Variants in MARCHF1 observed in about 807,000 individuals in gnomAD.
MARCHF1 encodes the protein membrane associated ring-CH-type finger 1.
In MARCHF1, 40 loss-of-function variants were observed where a neutral mutation model predicts 54.2. That is an observed-to-expected ratio of 0.74 (90% CI 0.57 to 0.96). The LOEUF is 0.96. Among genes scored for constraint, MARCHF1 ranks in the 40% least tolerant of loss-of-function variants. The probability of loss-of-function intolerance (pLI) is 0.00; values close to 1 mark genes in which losing one functional copy is unlikely to be tolerated. For missense variants in MARCHF1, 586 were observed against 656.5 expected (o/e 0.89, Z 1.17); for synonymous variants, 236 against 236.3 (o/e 1.00, Z 0.01).
In MARCHF1 at chr4:163,527,440, A is replaced by C. The variant is rs1738153220; in HGVS notation, c.*1308T>G. ...GCCTTACACATTTGATTTAATAACA[A>C]AAATAGGTAATTTTATTCCCCTATT... On this transcript the variant is annotated 3_prime_UTR_variant, in exon 10 of 10. Transcript: ENST00000514618. The C allele has an allele frequency of 6.6e-6, 1 of 152,082 alleles. No homozygotes were observed. The highest frequency in any genetic ancestry group is 2.1e-4 in the South Asian group (1 of 4,826). The allele number at this position is 152,082 out of a possible 1,614,324, so 9.4% of individuals were successfully genotyped here. A position where few individuals can be genotyped will look rare whatever the true frequency, so the allele number is the denominator to read the frequency against.
intron 1 of MARCHF1, among the ~76,000 whole-genome samples, chr4:164,370,432 G>C (rs80034499): frequency 3.3e-5 from 5 of 152,244 alleles, no homozygotes; most frequent in African/African-American, 1.2e-4. Context: ...AGGCAGAGAG[G>C]GACCAGAGGA....
intron 5 of MARCHF1, among the ~76,000 whole-genome samples, chr4:163,672,092 C>T (rs1743756570): frequency 6.6e-6 from 1 of 152,058 alleles, no homozygotes; most frequent in South Asian, 2.1e-4. Flanking sequence ...GTCTGATATC[C>T]TAGTTTCAAA....
intron 5 of MARCHF1, among the ~76,000 whole-genome samples, chr4:163,676,777 GAACTC>G (rs1336757784): frequency 6.6e-6 from 1 of 151,282 alleles, no homozygotes; most frequent in Non-Finnish European, 1.5e-5. Context: ...AATAAAATAA[GAACTC>G]AACTAGGTCT....
At chr4:164,343,339 A>C (rs1367211674) in intron 1 of MARCHF1, among the ~76,000 whole-genome samples, 1 of 152,170 alleles carries the variant, frequency 6.6e-6, no homozygotes, top group African/African-American at 2.4e-5. Context: ...AAGCAATTGC[A>C]ACAAAAATAA....
chr4:164,304,457 C>T (rs960810555), intron 1 of MARCHF1, among the ~76,000 whole-genome samples: 1 of 152,162 alleles, frequency 6.6e-6, no homozygotes, highest in Non-Finnish European at 1.5e-5. Flanking sequence ...TATCTGCACT[C>T]ATTTTGAAAC....
rs537535272 is a variant in MARCHF1 at position 163,534,990 on chromosome 4, A to AT, written c.1340-5945dup. Among the ~76,000 whole-genome samples, 819 of 152,176 alleles carry AT rather than the reference A, an allele frequency of 5.4e-3. 9 individuals carry two copies. The highest frequency in any genetic ancestry group is 6.4e-3 in the Non-Finnish European group (436 of 67,952). ...TGAATTGCTTTATACTTATTTATAA[A>AT]TTTCCCAAGTAACTTATAGACAAAT... is the stretch of plus-strand genomic sequence containing the variant. On this transcript the variant is annotated intron_variant, in intron 9 of 9. Coordinates refer to ENST00000514618, the MANE Select transcript of MARCHF1 (RefSeq NM_001394959.1).
intron 3 of MARCHF1, among the ~76,000 whole-genome samples, chr4:163,887,182 C>G (rs1389154277): frequency 6.6e-6 from 1 of 151,636 alleles, no homozygotes; most frequent in Non-Finnish European, 1.5e-5. Context: ...GTGATAATGA[C>G]TGTAAGAAAA....
chr4:163,528,106 G>T lies in MARCHF1; in HGVS notation c.*642C>A, dbSNP rs971313961. The T allele has an allele frequency of 5.9e-5, 9 of 152,392 alleles. No homozygotes were observed. The highest frequency in any genetic ancestry group is 2.0e-4 in the Admixed American group (3 of 15,214). The allele number at this position is 152,392 out of a possible 1,614,324, so 9.4% of individuals were successfully genotyped here. A position where few individuals can be genotyped will look rare whatever the true frequency, so the allele number is the denominator to read the frequency against. On this transcript the variant is annotated 3_prime_UTR_variant, in exon 10 of 10. Transcript: ENST00000514618. The stretch of plus-strand genomic sequence containing the variant: ...CGAACATTTTCTGAAAATCTTTTGC[G>T]TGACTTAAACAAACGTAATTAATTC...
chr4:164,092,918 G>A (rs979126379), intron 2 of MARCHF1, among the ~76,000 whole-genome samples: 1 of 152,060 alleles, frequency 6.6e-6, no homozygotes, highest in Non-Finnish European at 1.5e-5. Flanking sequence ...TAAGAGTTAA[G>A]GAAAACTTAG....
intron 1 of MARCHF1, among the ~76,000 whole-genome samples, chr4:164,287,323 T>C (rs976550459): frequency 1.3e-5 from 2 of 152,090 alleles, no homozygotes; most frequent in African/African-American, 4.8e-5. Flanking sequence ...GGACTGCCTG[T>C]CATTGTTTTT....
At chr4:163,915,875 G>T (rs2111348270) in intron 3 of MARCHF1, among the ~76,000 whole-genome samples, 1 of 152,250 alleles carries the variant, frequency 6.6e-6, no homozygotes. Flanking sequence ...TTCCTAGTAT[G>T]TAAGAGCTTT....
At chr4:164,317,563 T>A (rs1735031275) in intron 1 of MARCHF1, among the ~76,000 whole-genome samples, 1 of 152,114 alleles carries the variant, frequency 6.6e-6, no homozygotes, top group Non-Finnish European at 1.5e-5. Flanking sequence ...AAATACCCCA[T>A]ACACGTCTGC....
chr4:163,747,582 T>C (rs1453632564), intron 4 of MARCHF1, among the ~76,000 whole-genome samples: 1 of 152,148 alleles, frequency 6.6e-6, no homozygotes, highest in Admixed American at 6.5e-5. Flanking sequence ...ATTGAATATA[T>C]AAGTCAAGAA....
chr4:163,765,887 A>G (rs1746962219), intron 4 of MARCHF1, among the ~76,000 whole-genome samples: 1 of 147,844 alleles, frequency 6.8e-6, no homozygotes, highest in Non-Finnish European at 1.5e-5. Flanking sequence ...ATATATACAT[A>G]TATAATACAT....
intron 4 of MARCHF1, among the ~76,000 whole-genome samples, chr4:163,709,333 T>C (rs1288293586): frequency 6.6e-6 from 1 of 152,134 alleles, no homozygotes; most frequent in Non-Finnish European, 1.5e-5. Flanking sequence ...CCCAGCACTT[T>C]GGGAGGCCAA....
chr4:163,942,950 A>C (rs1225541866), intron 3 of MARCHF1, among the ~76,000 whole-genome samples: 1 of 152,066 alleles, frequency 6.6e-6, no homozygotes, highest in East Asian at 1.9e-4. Context: ...AAAAAAGAAC[A>C]AAATGGATAC....
intron 1 of MARCHF1, among the ~76,000 whole-genome samples, chr4:164,153,871 T>C (rs1730008267): frequency 6.6e-6 from 1 of 152,196 alleles, no homozygotes; most frequent in African/African-American, 2.4e-5. Context: ...CAAAGTATGA[T>C]ACACTAAAAT....
At chr4:163,832,713 A>G (rs1297147563) in intron 4 of MARCHF1, among the ~76,000 whole-genome samples, 1 of 149,536 alleles carries the variant, frequency 6.7e-6, no homozygotes, top group African/African-American at 2.4e-5. Context: ...AGCATTAGGT[A>G]TATCTCCTAA....
chr4:164,099,953 C>T (rs1201672861), intron 2 of MARCHF1, among the ~76,000 whole-genome samples: 1 of 152,154 alleles, frequency 6.6e-6, no homozygotes, highest in African/African-American at 2.4e-5. Flanking sequence ...AAAACAGCCA[C>T]AGCTCATGAG....
Sources: allele counts gnomAD v4.1 joint callset (sites outside exome capture counted in the v4.1 genomes callset), GRCh38; gene constraint gnomAD v4.1.1; transcripts MANE v1.5; gene names NCBI Gene and HGNC (gene_info 2026-07-23, HGNC 2026-07-21).